Variants in NBPF12 observed in about 807,000 individuals in gnomAD.
The protein encoded by NBPF12 is NBPF family member NBPF12.
In NBPF12, 115 loss-of-function variants were observed where a neutral mutation model predicts 146.4. The observed-to-expected ratio is 0.79, with a 90% CI of 0.68 to 0.92. The LOEUF (loss-of-function observed/expected upper bound fraction) is 0.92. NBPF12 is among the 40% of genes least tolerant of loss of function. NBPF12 has a pLI of 0.00. For synonymous variants in NBPF12, 385 were observed against 508.9 expected (o/e 0.76, Z 3.28); for missense variants, 1,205 against 1,326.8 (o/e 0.91, Z 1.43).
chr1:146,962,870 G>C (rs1289658485), intron 5 of NBPF12, among the ~76,000 whole-genome samples: 3 of 151,344 alleles, frequency 2.0e-5, no homozygotes, highest in Non-Finnish European at 2.9e-5. Context: ...AGAGAAAGAT[G>C]AATGGAACAT....
intron 1 of NBPF12, among the ~76,000 whole-genome samples, chr1:146,940,896 C>T (rs1337587395): frequency 1.3e-5 from 2 of 151,782 alleles, no homozygotes; most frequent in Non-Finnish European, 2.9e-5. Flanking sequence ...ATTTATATGT[C>T]CTCTTTCATG....
intron 13 of NBPF12, among the ~76,000 whole-genome samples, chr1:146,972,386 G>A (rs1301171583): frequency 5.3e-5 from 8 of 150,354 alleles, no homozygotes; most frequent in South Asian, 2.1e-4. Context: ...AGAGTGAGAC[G>A]CCGTCTCAAA....
At chr1:146,970,811 A>T (rs1394896673) in intron 12 of NBPF12, 92 bp downstream of exon 15, 12 of 1,129,978 alleles carry the variant, frequency 1.1e-5, no homozygotes, top group Admixed American at 8.4e-5. Context: ...ATGGGCCAAA[A>T]GCCCGCATTC....
intron 4 of NBPF12, among the ~76,000 whole-genome samples, chr1:146,961,728 C>G (rs1655862989): frequency 6.6e-6 from 1 of 151,690 alleles, no homozygotes. Context: ...ACATATTTGT[C>G]CTTGAAATAC....
intron 19 of NBPF12, among the ~76,000 whole-genome samples, chr1:146,981,065 G>A (rs1380809649): frequency 2.2e-5 from 3 of 137,870 alleles, no homozygotes; most frequent in Non-Finnish European, 3.1e-5. Context: ...TTACTCACAG[G>A]TGGGAATTGA....
chr1:146,987,505 A>C (rs1393187547), intron 25 of NBPF12, among the ~76,000 whole-genome samples: 2 of 152,046 alleles, frequency 1.3e-5, no homozygotes, highest in African/African-American at 4.8e-5. Flanking sequence ...CCAGACTTCA[A>C]AAACTGTATT....
chr1:146,992,462 C>CTCTCTG lies in NBPF12; in HGVS notation c.3849-249_3849-248insCTCTGT, dbSNP rs1450490306. Among the ~76,000 whole-genome samples the CTCTCTG allele has an allele frequency of 3.5e-3, 233 of 66,266 alleles. 1 individual carries two copies. Among genetic ancestry groups the CTCTCTG allele is most frequent in the East Asian group, 0.018 (29 of 1,590 alleles). The allele number at this position is 66,266 out of a possible 152,430, so 43.5% of individuals were successfully genotyped here. On this transcript the variant is annotated intron_variant, in intron 31 of 33. Coordinates refer to ENST00000617844, the Ensembl canonical transcript of NBPF12. ...TCTCTCTCTCTCTCTCTCTCTCTCT[C>CTCTCTG]TGTGTGTGTGTGTGTGTGTGTGTGT...
rs1326411493 is a variant in NBPF12 at position 146,969,747 on chromosome 1, C to T, written c.1306+151C>T. On this transcript the variant is annotated intron_variant, in intron 11 of 33. Coordinates refer to ENST00000617844, the Ensembl canonical transcript of NBPF12. ...ATGACCAGGACTTCCTGGGTAAGAA[C>T]GGAGATGGGAAACCCATGGGTTTGG... The T allele has an allele frequency of 1.0e-4, 150 of 1,465,384 alleles. 3 individuals carry two copies. Among genetic ancestry groups the T allele is most frequent in the African/African-American group, 5.8e-4 (41 of 70,602 alleles). The allele number at this position is 1,465,384 out of a possible 1,614,324, so 90.8% of individuals were successfully genotyped here. A position where few individuals can be genotyped will look rare whatever the true frequency, so the allele number is the denominator to read the frequency against.
chr1:146,973,117 C>T lies in NBPF12; in HGVS notation c.1801+157C>T, dbSNP rs1478482880. Among the ~76,000 whole-genome samples, 706 of 149,844 alleles carry T rather than the reference C, an allele frequency of 4.7e-3. 22 individuals carry two copies. The highest frequency in any genetic ancestry group is 0.016 in the African/African-American group (640 of 40,026). The stretch of plus-strand genomic sequence containing the variant: ...TTAACATTTTGTTAAAGTTGGAAGA[C>T]AGAGGTACCAAAGTATTTAGCAACT... On this transcript the variant is annotated intron_variant, in intron 14 of 33. Coordinates refer to ENST00000617844, the Ensembl canonical transcript of NBPF12.
At chr1:146,971,257 G>T in exon 13 of NBPF12, 1 of 1,612,362 alleles carries the variant, frequency 6.2e-7, no homozygotes, top group Non-Finnish European at 8.5e-7. Context: ...TGTTCAAATA[G>T]CCACGGCCCT....
At chr1:146,966,050 T>G (rs1302283559) in intron 8 of NBPF12, among the ~76,000 whole-genome samples, 2 of 151,736 alleles carry the variant, frequency 1.3e-5, no homozygotes, top group African/African-American at 2.4e-5. Flanking sequence ...GAGGTGGCAG[T>G]GAGCTGAGAT....
chr1:146,981,051 G>A (rs1292567986), intron 19 of NBPF12, among the ~76,000 whole-genome samples: 3 of 138,084 alleles, frequency 2.2e-5, no homozygotes, highest in Non-Finnish European at 4.6e-5. Context: ...AATACCGCAT[G>A]TTCTTACTCA....
intron 13 of NBPF12, 149 bp from the exon 17 acceptor site, chr1:146,972,602 T>A: frequency 2.6e-6 from 2 of 767,694 alleles, no homozygotes; most frequent in Non-Finnish European, 4.6e-6. Flanking sequence ...TTAAAGGAGA[T>A]CAAGACTGGA....
Position 146,994,367 on chromosome 1 carries a change from A to T in NBPF12, c.4166A>T (p.Glu1389Val), listed in dbSNP as rs782745432. ...GTGCTGATGGAAGTGGAAGAGCCTGAAGTCTTGCAGGACTCACTGGATAGA... is the reference window on the plus strand; with the variant it reads ...GTGCTGATGGAAGTGGAAGAGCCTGTAGTCTTGCAGGACTCACTGGATAGA... The change falls in exon 34 of 34, where the codon GAA (glutamate) becomes GTA (valine). Residue 1389 changes from glutamate (E) to valine (V), a missense_variant. Physicochemically the swap from Glu to Val is moderately radical, Grantham distance 121 (BLOSUM62 -2). Transcript: ENST00000617844. 1.1e-4 allele frequency: 183 copies of T among 1,612,130 alleles called. 1 individual carries two copies. Among genetic ancestry groups the T allele is most frequent in the Non-Finnish European group, 1.5e-4 (179 of 1,179,818 alleles).
exon 12 of NBPF12, chr1:146,970,689 A>G (rs1203632640): frequency 1.4e-6 from 2 of 1,423,600 alleles, no homozygotes; most frequent in Non-Finnish European, 2.0e-6. Context: ...GTTGAGGAGG[A>G]TGAGAAAGTG....
intron 15 of NBPF12, 147 bp from the exon 19 acceptor site, chr1:146,975,530 C>A: frequency 1.5e-5 from 9 of 597,454 alleles, no homozygotes; most frequent in Non-Finnish European, 2.4e-5. Context: ...TATTCTTTCT[C>A]TTGGCCACAG....
upstream of NBPF12, among the ~76,000 whole-genome samples, chr1:146,948,620 A>G (rs1270609494): frequency 3.3e-5 from 5 of 151,962 alleles, no homozygotes; most frequent in African/African-American, 9.7e-5. Flanking sequence ...GACTGCAGGG[A>G]CCTCTGCCTA....
intron 2 of NBPF12, among the ~76,000 whole-genome samples, chr1:146,955,027 C>A (rs1164410041): frequency 1.1e-5 from 1 of 91,438 alleles, no homozygotes; most frequent in African/African-American, 3.9e-5. Flanking sequence ...CACACACACA[C>A]ATATATATAT....
At chr1:146,977,795 T>C (rs1180344576) in intron 18 of NBPF12, 124 bp downstream of exon 21, 6 of 676,110 alleles carry the variant, frequency 8.9e-6, no homozygotes, top group African/African-American at 7.3e-5. Context: ...TAAACAGATA[T>C]CAGGGAGTTT....
Sources: gnomAD v4.1 joint callset for allele counts (sites outside exome capture counted in the v4.1 genomes callset) on GRCh38, gnomAD v4.1.1 for gene constraint, MANE v1.5 for transcripts, NCBI Gene and HGNC (gene_info 2026-07-23, HGNC 2026-07-21) for gene names.